The following MGAT4C variants were observed in gnomAD, a reference collection of about 807,000 sequenced individuals.
The protein encoded by MGAT4C is MGAT4 family member C.
A neutral mutation model predicts 40.1 loss-of-function variants in MGAT4C; 19 were observed. The observed-to-expected ratio is 0.47, with a 90% CI of 0.33 to 0.70. The LOEUF (loss-of-function observed/expected upper bound fraction) is 0.70. MGAT4C is among the 30% of genes least tolerant of loss of function. The pLI, the probability that MGAT4C is intolerant of heterozygous loss-of-function variation, is 0.02. For synonymous variants in MGAT4C, 181 were observed against 187.1 expected (o/e 0.97, Z 0.27); for missense variants, 491 against 563.2 (o/e 0.87, Z 1.30).
chr12:86,099,283 T>G (rs1874505398), intron 1 of MGAT4C, among the ~76,000 whole-genome samples: 1 of 151,438 alleles, frequency 6.6e-6, no homozygotes, highest in Non-Finnish European at 1.5e-5. Flanking sequence ...CATATAGAAC[T>G]TTCATCTTTT....
intron 1 of MGAT4C, among the ~76,000 whole-genome samples, chr12:86,774,769 C>G (rs954694963): frequency 1.3e-5 from 2 of 152,006 alleles, no homozygotes; most frequent in African/African-American, 4.8e-5. Flanking sequence ...AAGAAAGCAG[C>G]AATTCAAGCA....
chr12:86,034,555 G>A (rs1420706315), intron 2 of MGAT4C, among the ~76,000 whole-genome samples: 1 of 140,558 alleles, frequency 7.1e-6, no homozygotes, highest in African/African-American at 2.5e-5. Context: ...AGTAGTCTCT[G>A]AGGGTTTTTT....
At chr12:86,311,571 T>C (rs1954073921) in intron 4 of MGAT4C, among the ~76,000 whole-genome samples, 1 of 152,328 alleles carries the variant, frequency 6.6e-6, no homozygotes, top group African/African-American at 2.4e-5. Flanking sequence ...GAATAGGTCC[T>C]GCACACAGAG....
intron 1 of MGAT4C, among the ~76,000 whole-genome samples, chr12:86,235,170 A>G (rs140548532): frequency 3.5e-4 from 53 of 152,188 alleles, no homozygotes; most frequent in African/African-American, 1.3e-3. Flanking sequence ...CTCCGGGTCT[A>G]TAGATTCGGC....
intron 2 of MGAT4C, among the ~76,000 whole-genome samples, chr12:86,585,659 T>C (rs1960987850): frequency 6.6e-6 from 1 of 151,328 alleles, no homozygotes; most frequent in South Asian, 2.1e-4. Context: ...TTATCACTTG[T>C]CTTCATTTTT....
At chr12:86,415,880 A>G (rs1185461232) in intron 3 of MGAT4C, among the ~76,000 whole-genome samples, 3 of 152,062 alleles carry the variant, frequency 2.0e-5, no homozygotes, top group Non-Finnish European at 2.9e-5. Flanking sequence ...AATCTTTGAC[A>G]TGGCAATTTC....
chr12:86,837,748 A>T (rs1291812145), intron 1 of MGAT4C, among the ~76,000 whole-genome samples: 1 of 152,112 alleles, frequency 6.6e-6, no homozygotes, highest in East Asian at 1.9e-4. Flanking sequence ...GATCACTGTG[A>T]TTACTATATG....
At chr12:86,150,349 T>C (rs1884118650) in intron 1 of MGAT4C, among the ~76,000 whole-genome samples, 1 of 152,126 alleles carries the variant, frequency 6.6e-6, no homozygotes, top group Non-Finnish European at 1.5e-5. Flanking sequence ...ATTAAATGGG[T>C]TGAAACATAT....
chr12:86,155,324 T>G (rs1343450994), intron 1 of MGAT4C, among the ~76,000 whole-genome samples: 3 of 152,114 alleles, frequency 2.0e-5, no homozygotes, highest in African/African-American at 7.2e-5. Context: ...TTTAGACATG[T>G]GTGTGGAAAA....
At chr12:86,717,077 A>C (rs1950654916) in intron 2 of MGAT4C, among the ~76,000 whole-genome samples, 1 of 152,120 alleles carries the variant, frequency 6.6e-6, no homozygotes, top group Admixed American at 6.6e-5. Context: ...GGGAAAAAAT[A>C]ATCAAATGTT....
At chr12:86,520,997 T>A (rs1229282554) in intron 2 of MGAT4C, among the ~76,000 whole-genome samples, 1 of 152,110 alleles carries the variant, frequency 6.6e-6, no homozygotes, top group Non-Finnish European at 1.5e-5. Flanking sequence ...AGTTTGACAA[T>A]ATTTTCTCCC....
intron 2 of MGAT4C, among the ~76,000 whole-genome samples, chr12:86,519,469 G>A (rs949128138): frequency 2.6e-5 from 4 of 152,132 alleles, no homozygotes; most frequent in South Asian, 2.1e-4. Flanking sequence ...TAGTTTTTGA[G>A]GACCTCCATA....
rs1435707477 is a variant in MGAT4C at position 86,566,541 on chromosome 12, T to A, written c.-228-131276A>T. 1.5e-4 allele frequency among the ~76,000 whole-genome samples: 14 copies of A among 91,962 alleles called. 1 individual carries two copies. Among genetic ancestry groups the A allele is most frequent in the Admixed American group, 1.5e-3 (14 of 9,456 alleles). 60.3% of individuals were successfully genotyped at this position (91,962 alleles called of 152,430 possible). On this transcript the variant is annotated intron_variant, in intron 2 of 7. Transcript: ENST00000548651. Reference sequence around the variant, plus strand: ...TAGTAAACTCATATACATATATATATATATATATATATATATATATATATA... The same window carrying A: ...TAGTAAACTCATATACATATATATAAATATATATATATATATATATATATA...
intron 2 of MGAT4C, among the ~76,000 whole-genome samples, chr12:86,514,948 A>T (rs1246047277): frequency 6.6e-6 from 1 of 152,196 alleles, no homozygotes; most frequent in Non-Finnish European, 1.5e-5. Flanking sequence ...ATTATTTTGC[A>T]AATATGAAGG....
At chr12:86,414,553 A>G (rs943964498) in intron 3 of MGAT4C, among the ~76,000 whole-genome samples, 14 of 151,616 alleles carry the variant, frequency 9.2e-5, no homozygotes, top group Admixed American at 3.3e-4. Context: ...AAAATCTACA[A>G]CATGATTTCC....
At position 85,971,679 on chromosome 12, in the gene MGAT4C, C is replaced by G. The variant is rs1883630181; in HGVS notation, c.*7610G>C. 6.6e-6 allele frequency: 1 copy of G among 151,124 alleles called. No homozygotes were observed. The highest frequency in any genetic ancestry group is 2.1e-4 in the South Asian group (1 of 4,822). 9.4% of individuals were successfully genotyped at this position (151,124 alleles called of 1,614,324 possible). On this transcript the variant is annotated 3_prime_UTR_variant, in exon 5 of 5. Coordinates refer to ENST00000611864, the MANE Select transcript of MGAT4C (RefSeq NM_001351288.2). Reference sequence around the variant, plus strand: ...TTGTCTTTTGACCCTCTCAGGGAGTCAAGTTTTGATTTGCTTGAATACAAG... The same window carrying G: ...TTGTCTTTTGACCCTCTCAGGGAGTGAAGTTTTGATTTGCTTGAATACAAG...
intron 2 of MGAT4C, among the ~76,000 whole-genome samples, chr12:86,566,648 T>A (rs1448020418): frequency 6.9e-6 from 1 of 144,746 alleles, no homozygotes; most frequent in Non-Finnish European, 1.5e-5. Flanking sequence ...TACATAAATG[T>A]ATATAGGTAT....
intron 3 of MGAT4C, among the ~76,000 whole-genome samples, chr12:85,986,356 T>C (rs1255533830): frequency 6.6e-6 from 1 of 152,236 alleles, no homozygotes. Context: ...TATACCCTTG[T>C]GGCTACTTTG....
intron 2 of MGAT4C, among the ~76,000 whole-genome samples, chr12:86,567,402 A>G (rs1960178978): frequency 6.6e-6 from 1 of 152,192 alleles, no homozygotes; most frequent in East Asian, 1.9e-4. Flanking sequence ...CTCTAAGTCA[A>G]TAGGCTAAGA....
Sources: gnomAD v4.1 joint callset for allele counts (sites outside exome capture counted in the v4.1 genomes callset) on GRCh38, gnomAD v4.1.1 for gene constraint, MANE v1.5 for transcripts, NCBI Gene and HGNC (gene_info 2026-07-23, HGNC 2026-07-21) for gene names.